Variants in ANO1 observed in about 807,000 individuals in gnomAD.
The protein encoded by ANO1 is anoctamin-1.
Under a neutral mutation model 124.0 loss-of-function variants are expected in ANO1, and 59 were observed. That is an observed-to-expected ratio of 0.48 (90% CI 0.39 to 0.59). The LOEUF (loss-of-function observed/expected upper bound fraction) is 0.59, where lower values mean the gene tolerates loss of function less well. Ranked by LOEUF, ANO1 falls within the 20% of genes least tolerant of loss-of-function variation. The probability of loss-of-function intolerance (pLI) is 0.00; values close to 1 mark genes in which losing one functional copy is unlikely to be tolerated. For synonymous variants in ANO1, 529 were observed against 532.0 expected (o/e 0.99, Z 0.08); for missense variants, 1,059 against 1,328.0 (o/e 0.80, Z 3.15).
intron 10 of ANO1, among the ~76,000 whole-genome samples, chr11:70,126,548 G>GT (rs1338132609): frequency 6.6e-6 from 1 of 152,258 alleles, no homozygotes; most frequent in African/African-American, 2.4e-5. Context: ...TGGCCGGGAG[G>GT]TGAGGCATGA....
intron 1 of ANO1, among the ~76,000 whole-genome samples, chr11:70,046,602 C>T (rs186856571): frequency 4.5e-4 from 69 of 152,112 alleles, no homozygotes; most frequent in South Asian, 2.1e-3. Context: ...GGTCCCAGGG[C>T]GAGAAAGGAC....
At chr11:70,070,104 T>C (rs1857833383) in intron 1 of ANO1, among the ~76,000 whole-genome samples, 2 of 152,232 alleles carry the variant, frequency 1.3e-5, no homozygotes, top group South Asian at 4.1e-4. Flanking sequence ...TCATGCTCTC[T>C]CTTCCTTATG....
At chr11:70,113,503 G>A (rs1183648307) in intron 7 of ANO1, among the ~76,000 whole-genome samples, 1 of 152,088 alleles carries the variant, frequency 6.6e-6, no homozygotes, top group Admixed American at 6.5e-5. Flanking sequence ...TCCTCCAGAG[G>A]ACCCAGCCGG....
At chr11:70,159,764 C>T (rs2047974987) in intron 16 of ANO1, among the ~76,000 whole-genome samples, 1 of 152,252 alleles carries the variant, frequency 6.6e-6, no homozygotes, top group Admixed American at 6.5e-5. Context: ...GCTGCACCTC[C>T]GCATGCTGGC....
chr11:70,072,470 C>T (rs1037948230), intron 1 of ANO1: 4 of 152,234 alleles, frequency 2.6e-5, no homozygotes, highest in African/African-American at 9.6e-5. Context: ...TTTATTCCAA[C>T]CACAGGGTTT....
chr11:70,116,513 G>C lies in ANO1; in HGVS notation c.897+14G>C. Reference sequence around the variant, plus strand: ...AACGACAGAAAAGTAAGTTGATGGAGCGGAGCAGGAGGTGGCTCTGTCAGA... The same window carrying C: ...AACGACAGAAAAGTAAGTTGATGGACCGGAGCAGGAGGTGGCTCTGTCAGA... On this transcript the variant is annotated intron_variant, in intron 8 of 25. Transcript: ENST00000355303. 1.3e-6 allele frequency: 2 copies of C among 1,586,698 alleles called. No individual in the cohort carries two copies. The highest frequency in any genetic ancestry group is 1.7e-6 in the Non-Finnish European group (2 of 1,166,490).
chr11:70,055,116 A>G (rs984898061), intron 1 of ANO1, among the ~76,000 whole-genome samples: 1 of 152,164 alleles, frequency 6.6e-6, no homozygotes, highest in Non-Finnish European at 1.5e-5. Context: ...ATCAGAGGAC[A>G]AGATTTCAGT....
chr11:69,995,060 A>G (rs1298214478), intron 1 of ANO1, among the ~76,000 whole-genome samples: 3 of 150,624 alleles, frequency 2.0e-5, no homozygotes, highest in African/African-American at 4.9e-5. Flanking sequence ...AGTGTGGTAT[A>G]TGTATCACCA....
intron 19 of ANO1, among the ~76,000 whole-genome samples, chr11:70,164,298 C>T (rs989960399): frequency 6.6e-5 from 10 of 152,140 alleles, no homozygotes; most frequent in Non-Finnish European, 1.2e-4. Context: ...AATAAGATAT[C>T]GAGGATGGGG....
Position 70,029,073 on chromosome 11 carries a change from C to A in ANO1, c.58+42907C>A, listed in dbSNP as rs116494918. On this transcript the variant is annotated intron_variant, in intron 1 of 27. Coordinates refer to the ANO1 transcript ENST00000531349. Reference sequence around the variant, plus strand: ...CTGAGATTACAGGCATGAGCCACTGCGTCCAGCCCAGATCCTAAGTTTCTT... The same window carrying A: ...CTGAGATTACAGGCATGAGCCACTGAGTCCAGCCCAGATCCTAAGTTTCTT... Among the ~76,000 whole-genome samples the A allele has an allele frequency of 5.6e-3, 848 of 152,342 alleles. 4 individuals are homozygous for A. The highest frequency in any genetic ancestry group is 0.019 in the African/African-American group (809 of 41,590).
chr11:70,176,857 G>A (rs1420005904), intron 22 of ANO1, among the ~76,000 whole-genome samples: 1 of 152,174 alleles, frequency 6.6e-6, no homozygotes, highest in Non-Finnish European at 1.5e-5. Flanking sequence ...TGGAATGTGC[G>A]TCAGAATAAC....
chr11:70,125,541 G>C (rs2135488963), intron 9 of ANO1, among the ~76,000 whole-genome samples: 1 of 149,596 alleles, frequency 6.7e-6, no homozygotes, highest in Non-Finnish European at 1.5e-5. Context: ...AGAAAGAAAG[G>C]AAAAGAAAAA....
chr11:70,048,389 C>A (rs782341766), intron 1 of ANO1, among the ~76,000 whole-genome samples: 4 of 151,788 alleles, frequency 2.6e-5, no homozygotes, highest in Non-Finnish European at 5.9e-5. Flanking sequence ...AGTTTCTATT[C>A]TTTTTTTCCC....
At chr11:70,075,532 C>T (rs900028840), upstream of ANO1, 11 of 151,828 alleles carry the variant, frequency 7.2e-5, no homozygotes, top group Admixed American at 7.2e-4. Flanking sequence ...CATCAAATGA[C>T]ACTGAAGAGC....
intron 1 of ANO1, among the ~76,000 whole-genome samples, chr11:70,007,377 C>T (rs1284688320): frequency 6.6e-6 from 1 of 150,650 alleles, no homozygotes; most frequent in East Asian, 2.0e-4. Flanking sequence ...CCCGGGTTCA[C>T]GCCATTCTCC....
chr11:70,128,508 C>T (rs1275126453), intron 10 of ANO1, among the ~76,000 whole-genome samples: 1 of 152,228 alleles, frequency 6.6e-6, no homozygotes, highest in Non-Finnish European at 1.5e-5. Flanking sequence ...GTTGGCCATG[C>T]CAGCTCGGCC....
intron 11 of ANO1, among the ~76,000 whole-genome samples, chr11:70,139,412 C>A (rs1171067531): frequency 6.6e-6 from 1 of 152,170 alleles, no homozygotes; most frequent in Non-Finnish European, 1.5e-5. Context: ...CATCCTCTGC[C>A]TCCCATGTTC....
chr11:70,078,135 C>A (rs930841751), upstream of ANO1, among the ~76,000 whole-genome samples: 1 of 152,138 alleles, frequency 6.6e-6, no homozygotes, highest in Non-Finnish European at 1.5e-5. Context: ...GGTATGAAAA[C>A]CCTCAAAAAT....
chr11:69,969,261 C>T, the ANO1 span, among the ~76,000 whole-genome samples: 1 of 152,146 alleles, frequency 6.6e-6, no homozygotes, highest in Admixed American at 6.5e-5. Flanking sequence ...TCCTTCGGAG[C>T]CATGGGTAGC....
Sources: gnomAD v4.1 joint callset for allele counts (sites outside exome capture counted in the v4.1 genomes callset) on GRCh38, gnomAD v4.1.1 for gene constraint, MANE v1.5 for transcripts, NCBI Gene and HGNC (gene_info 2026-07-23, HGNC 2026-07-21) for gene names.